C8orf34: variants seen among roughly 807,000 people sequenced by gnomAD.
C8orf34 encodes the protein uncharacterized protein C8orf34.
A neutral mutation model predicts 68.3 loss-of-function variants in C8orf34; 65 were observed. The ratio of observed to expected loss-of-function variants is 0.95; its 90% CI spans 0.78 to 1.17. C8orf34 has a LOEUF of 1.17. Ranked by LOEUF, C8orf34 falls within the 50% of genes most tolerant of loss-of-function variation. C8orf34 has a pLI of 0.00. For missense variants in C8orf34, 664 were observed against 655.4 expected (o/e 1.01, Z -0.14); for synonymous variants, 244 against 241.2 (o/e 1.01, Z -0.11).
At chr8:68,669,607 CAAGT>C (rs2130837067) in intron 8 of C8orf34, among the ~76,000 whole-genome samples, 1 of 152,288 alleles carries the variant, frequency 6.6e-6, no homozygotes, top group East Asian at 1.9e-4. Context: ...GCAGCTTTTG[CAAGT>C]AAGCCATTGT....
chr8:68,534,039 C>T (rs773151099), intron 7 of C8orf34: 33 of 980,758 alleles, frequency 3.4e-5, no homozygotes, highest in Non-Finnish European at 3.6e-5. Flanking sequence ...AAAATATAGG[C>T]CATTTTCTGA....
intron 5 of C8orf34, among the ~76,000 whole-genome samples, chr8:68,521,164 T>A (rs1814739404): frequency 6.6e-6 from 1 of 152,200 alleles, no homozygotes; most frequent in Admixed American, 6.5e-5. Flanking sequence ...AACTTGCCCT[T>A]TTTTCACATA....
At chr8:68,360,330 A>G (rs1368280570) in intron 1 of C8orf34, among the ~76,000 whole-genome samples, 1 of 152,212 alleles carries the variant, frequency 6.6e-6, no homozygotes, top group Non-Finnish European at 1.5e-5. Flanking sequence ...GATATTTATC[A>G]TGTCATGTCT....
chr8:68,658,972 C>G (rs1212418759), intron 8 of C8orf34, among the ~76,000 whole-genome samples: 1 of 152,092 alleles, frequency 6.6e-6, no homozygotes, highest in Admixed American at 6.6e-5. Context: ...GGTTAGCTAT[C>G]TTTCATGGCA....
At chr8:68,601,246 A>G (rs554750735) in intron 7 of C8orf34, among the ~76,000 whole-genome samples, 1 of 152,122 alleles carries the variant, frequency 6.6e-6, no homozygotes, top group East Asian at 1.9e-4. Flanking sequence ...TGGGGTTTAC[A>G]CTATTTGGGA....
At position 68,331,114 on chromosome 8, in the gene C8orf34, C is replaced by A. The variant is rs1805560577; in HGVS notation, c.102C>A (p.Thr34=). ...CGCGCGTGGCTCCCCGGGCTGCCAC[C>A]CACGCCCGCGGCCGGGGCCGAGCCA... ...PHARVAPRAA[T]HARGRGRASH... is the part of the protein sequence containing the mutation. The change falls in exon 1 of 14, where the codon ACC becomes ACA. Residue 34 remains threonine (T), a synonymous_variant. Coordinates refer to ENST00000518698, the MANE Select transcript of C8orf34 (RefSeq NM_052958.4). 3 of 1,507,992 alleles carry A rather than the reference C, an allele frequency of 2.0e-6. No homozygotes were observed. The highest frequency in any genetic ancestry group is 2.6e-6 in the Non-Finnish European group (3 of 1,135,028). The allele number at this position is 1,507,992 out of a possible 1,614,324, so 93.4% of individuals were successfully genotyped here.
upstream of C8orf34, chr8:68,330,732 A>C: frequency 2.6e-5 from 9 of 343,826 alleles, no homozygotes; most frequent in Non-Finnish European, 2.6e-5. Flanking sequence ...AGCCTCGGGG[A>C]GCAGCCCGGG....
chr8:68,794,501 A>T lies in C8orf34; in HGVS notation c.1549+6965A>T, dbSNP rs1419696737. On this transcript the variant is annotated intron_variant, in intron 12 of 13. Transcript: ENST00000518698. ...AATATAAATATATATATATATATAT[A>T]TATATTTTTTTTTTTTTTTTTTAGA... Among the ~76,000 whole-genome samples, 295 of 81,854 alleles carry T rather than the reference A, an allele frequency of 3.6e-3. 5 individuals carry two copies. The highest frequency in any genetic ancestry group is 0.02 in the African/African-American group (268 of 13,332). The allele number at this position is 81,854 out of a possible 152,430, so 53.7% of individuals were successfully genotyped here.
At chr8:68,500,010 ACT>A (rs979166854) in intron 5 of C8orf34, among the ~76,000 whole-genome samples, 11 of 151,534 alleles carry the variant, frequency 7.3e-5, no homozygotes, top group African/African-American at 2.4e-4. Context: ...CATCCTCCTC[ACT>A]CTCTTTCTCC....
intron 1 of C8orf34, among the ~76,000 whole-genome samples, chr8:68,387,741 T>C (rs1487850620): frequency 6.6e-6 from 1 of 152,170 alleles, no homozygotes; most frequent in Non-Finnish European, 1.5e-5. Flanking sequence ...TCAAAATAGC[T>C]CATTCTTTGA....
At position 68,799,731 on chromosome 8, in the gene C8orf34, T is replaced by A. The variant is rs1233411407; in HGVS notation, c.1549+12195T>A. The stretch of plus-strand genomic sequence containing the variant: ...CCCTATCAAGTTATAGAGAAGTCCA[T>A]AAGCATCTGAAGCATTAGGCACACT... On this transcript the variant is annotated intron_variant, in intron 12 of 13. Transcript: ENST00000518698. 3.9e-5 allele frequency among the ~76,000 whole-genome samples: 6 copies of A among 152,162 alleles called. No homozygotes were observed. The East Asian group carries it at 1.2e-3, about 29-fold the overall frequency.
At chr8:68,746,806 C>T (rs201896837) in intron 10 of C8orf34, among the ~76,000 whole-genome samples, 14,324 of 150,678 alleles carry the variant, frequency 0.095, 782 homozygotes, top group East Asian at 0.22. Flanking sequence ...ACCAGAGGTA[C>T]AAGGAGGAAC....
intron 1 of C8orf34, among the ~76,000 whole-genome samples, chr8:68,396,712 CAAAAAAAAAAAAAAA>C (rs56946858): frequency 4.8e-4 from 9 of 18,696 alleles, no homozygotes; most frequent in Admixed American, 2.2e-3. Flanking sequence ...AGCTGCTTGT[CAAAAAAAAAAAAAAA>C]AAAAAAAAAA....
chr8:68,663,843 A>C (rs1333480136), intron 8 of C8orf34, among the ~76,000 whole-genome samples: 2 of 152,208 alleles, frequency 1.3e-5, no homozygotes, highest in African/African-American at 4.8e-5. Flanking sequence ...ACCAAGTCCA[A>C]AATTCATAAT....
chr8:68,553,041 C>G (rs1319349050), intron 7 of C8orf34, among the ~76,000 whole-genome samples: 1 of 151,808 alleles, frequency 6.6e-6, no homozygotes, highest in Non-Finnish European at 1.5e-5. Flanking sequence ...ATGCCTTTAT[C>G]TGGTTTTGGA....
Position 68,787,503 on chromosome 8 carries a change from G to A in C8orf34, c.1516G>A (p.Glu506Lys). The change falls in exon 12 of 14, where the codon GAA (glutamate) becomes AAA (lysine). Residue 506 changes from glutamate (E) to lysine (K), a missense_variant. Coordinates refer to ENST00000518698, the MANE Select transcript of C8orf34 (RefSeq NM_052958.4). ...HQPWILPSDT[E>K]SEGVEAEQEK... ...ACCATGGATCTTGCCAAGTGACACAGAAAGTGAAGGAGTGGAAGCAGAACA... is the reference window on the plus strand; with the variant it reads ...ACCATGGATCTTGCCAAGTGACACAAAAAGTGAAGGAGTGGAAGCAGAACA... 1 of 1,611,942 alleles carries A rather than the reference G, an allele frequency of 6.2e-7. No individual in the cohort carries two copies. The highest frequency in any genetic ancestry group is 1.1e-5 in the South Asian group (1 of 90,842).
In C8orf34 at chr8:68,353,048, GA is replaced by G. The variant is rs1806580927; in HGVS notation, c.327+21712del. Among the ~76,000 whole-genome samples, 3 of 152,032 alleles carry G rather than the reference GA, an allele frequency of 2.0e-5. No homozygotes were observed. The South Asian group carries it at 6.2e-4, about 31-fold the overall frequency. On this transcript the variant is annotated intron_variant, in intron 1 of 13. Transcript: ENST00000518698. ...CAACAATTCCTTATTAAATCACTTAGAAATTACCTCCTTTTGAAAGTACAGA... is the reference window on the plus strand; with the variant it reads ...CAACAATTCCTTATTAAATCACTTAGAATTACCTCCTTTTGAAAGTACAGA...
intron 10 of C8orf34, among the ~76,000 whole-genome samples, chr8:68,734,425 A>G (rs900848554): frequency 1.3e-5 from 2 of 152,194 alleles, no homozygotes; most frequent in African/African-American, 4.8e-5. Context: ...TCAGTGATCA[A>G]CGTGGGGAAA....
chr8:68,507,107 T>C (rs1347788028), intron 5 of C8orf34, among the ~76,000 whole-genome samples: 2 of 152,230 alleles, frequency 1.3e-5, no homozygotes, highest in Non-Finnish European at 2.9e-5. Context: ...CATAATTCCA[T>C]TTAATTAAAT....
Sources: gnomAD v4.1 joint callset for allele counts (sites outside exome capture counted in the v4.1 genomes callset) on GRCh38, gnomAD v4.1.1 for gene constraint, MANE v1.5 for transcripts, NCBI Gene and HGNC (gene_info 2026-07-23, HGNC 2026-07-21) for gene names.